AKAP19: variants seen among roughly 807,000 people sequenced by gnomAD.
AKAP19 encodes small A-kinase anchoring protein.
the AKAP19 span, among the ~76,000 whole-genome samples, chr2:189,969,062 G>C: frequency 3.9e-5 from 6 of 152,072 alleles, no homozygotes; most frequent in African/African-American, 1.4e-4. Context: ...AATATTTACT[G>C]TATAGGCAAA....
the AKAP19 span, among the ~76,000 whole-genome samples, chr2:189,953,115 G>T: frequency 5.4e-4 from 11 of 20,386 alleles, no homozygotes; most frequent in Non-Finnish European, 1.1e-3. Flanking sequence ...TCCCTGGCCA[G>T]ATTTTTGTTC....
the AKAP19 span, among the ~76,000 whole-genome samples, chr2:189,951,565 T>C: frequency 2.6e-4 from 40 of 152,196 alleles, no homozygotes; most frequent in Non-Finnish European, 2.9e-5. Flanking sequence ...TGGTAAATGC[T>C]TTAAGTACTT....
the AKAP19 span, among the ~76,000 whole-genome samples, chr2:190,124,252 G>C: frequency 2.0e-5 from 3 of 152,164 alleles, no homozygotes; most frequent in African/African-American, 7.2e-5. Flanking sequence ...TGTATGTTCT[G>C]AGAAATGCAT....
At chr2:190,126,746 G>A in the AKAP19 span, among the ~76,000 whole-genome samples, 3 of 151,810 alleles carry the variant, frequency 2.0e-5, no homozygotes, top group Admixed American at 6.6e-5. Context: ...TTTGGGGAGG[G>A]GCAAGAGTGA....
the AKAP19 span, among the ~76,000 whole-genome samples, chr2:190,083,325 G>A: frequency 2.1e-5 from 3 of 145,892 alleles, no homozygotes; most frequent in Non-Finnish European, 3.0e-5. Flanking sequence ...GCAGTGAGCC[G>A]AGATCGTGCT....
At chr2:189,938,536 A>T in the AKAP19 span, among the ~76,000 whole-genome samples, 2 of 152,132 alleles carry the variant, frequency 1.3e-5, no homozygotes, top group Non-Finnish European at 2.9e-5. Context: ...AAAACAAATT[A>T]AATCATGGAG....
the AKAP19 span, among the ~76,000 whole-genome samples, chr2:189,941,054 A>G: frequency 6.6e-6 from 1 of 152,224 alleles, no homozygotes; most frequent in African/African-American, 2.4e-5. Context: ...ATTGGGCAAT[A>G]GACTTCTCAA....
the AKAP19 span, among the ~76,000 whole-genome samples, chr2:190,138,777 G>T: frequency 6.6e-6 from 1 of 152,262 alleles, no homozygotes; most frequent in East Asian, 1.9e-4. Context: ...CAGGAGATAG[G>T]TTTTTATCAT....
At chr2:190,145,871 CTATATA>C in the AKAP19 span, among the ~76,000 whole-genome samples, 1 of 79,060 alleles carries the variant, frequency 1.3e-5, no homozygotes, top group African/African-American at 4.6e-5. Context: ...ATATATATAA[CTATATA>C]TATATATATA....
At chr2:190,019,615 G>C in the AKAP19 span, among the ~76,000 whole-genome samples, 1 of 151,814 alleles carries the variant, frequency 6.6e-6, no homozygotes, top group African/African-American at 2.4e-5. Context: ...GTTTCTACCT[G>C]ACCCTAGGTG....
the AKAP19 span, among the ~76,000 whole-genome samples, chr2:190,020,263 A>G: frequency 6.6e-6 from 1 of 152,232 alleles, no homozygotes; most frequent in African/African-American, 2.4e-5. Context: ...AAAAGGAAAT[A>G]TTTAGAAAAG....
chr2:190,012,567 T>C, the AKAP19 span, among the ~76,000 whole-genome samples: 1 of 152,182 alleles, frequency 6.6e-6, no homozygotes, highest in Non-Finnish European at 1.5e-5. Flanking sequence ...GCAGTGACAG[T>C]TTCACCTCTG....
chr2:190,018,538 T>A, the AKAP19 span, among the ~76,000 whole-genome samples: 5 of 152,220 alleles, frequency 3.3e-5, no homozygotes, highest in African/African-American at 4.8e-5. Context: ...TGATTTCACA[T>A]GTTTTCTATT....
At chr2:190,101,537 C>G in the AKAP19 span, among the ~76,000 whole-genome samples, 1 of 152,082 alleles carries the variant, frequency 6.6e-6, no homozygotes, top group Admixed American at 6.5e-5. Context: ...GGCTCTTTCC[C>G]CTCTATGCTC....
chr2:190,060,199 G>T, the AKAP19 span: 1 of 1,613,066 alleles, frequency 6.2e-7, no homozygotes, highest in Non-Finnish European at 8.5e-7. Flanking sequence ...TCAATGCTCT[G>T]CCAAATACCA....
the AKAP19 span, among the ~76,000 whole-genome samples, chr2:190,111,501 A>T: frequency 2.6e-5 from 4 of 152,228 alleles, no homozygotes; most frequent in African/African-American, 9.6e-5. Flanking sequence ...TTTTATTATC[A>T]TTCTAACCTA....
the AKAP19 span, among the ~76,000 whole-genome samples, chr2:190,116,593 C>G: frequency 1.3e-5 from 2 of 152,188 alleles, no homozygotes; most frequent in South Asian, 4.1e-4. Flanking sequence ...CCTCCATCCT[C>G]ACCGCCATTT....
At chr2:189,942,942 A>T in the AKAP19 span, among the ~76,000 whole-genome samples, 1 of 152,338 alleles carries the variant, frequency 6.6e-6, no homozygotes, top group East Asian at 1.9e-4. Context: ...TGAAAGTTGG[A>T]ACTTATATTT....
At chr2:190,147,980 A>G in the AKAP19 span, among the ~76,000 whole-genome samples, 2 of 152,150 alleles carry the variant, frequency 1.3e-5, no homozygotes, top group Non-Finnish European at 2.9e-5. Context: ...CCTCTTTACC[A>G]ACGTGGATGC....
Sources: gnomAD v4.1 joint callset for allele counts (sites outside exome capture counted in the v4.1 genomes callset) on GRCh38, gnomAD v4.1.1 for gene constraint, MANE v1.5 for transcripts, NCBI Gene and HGNC (gene_info 2026-07-23, HGNC 2026-07-21) for gene names.